CDH8: variants seen among roughly 807,000 people sequenced by gnomAD.
The protein encoded by CDH8 is cadherin-8.
Under a neutral mutation model 68.1 loss-of-function variants are expected in CDH8, and 17 were observed. That is an observed-to-expected ratio of 0.25 (90% CI 0.17 to 0.37). The LOEUF is 0.37. Among genes scored for constraint, CDH8 ranks in the 10% least tolerant of loss-of-function variants. CDH8 has a pLI of 1.00. For synonymous variants in CDH8, 372 were observed against 365.1 expected (o/e 1.02, Z -0.21); for missense variants, 763 against 999.3 (o/e 0.76, Z 3.19).
chr16:61,868,689 T>C (rs1567507543), intron 3 of CDH8, among the ~76,000 whole-genome samples: 1 of 152,166 alleles, frequency 6.6e-6, no homozygotes, highest in East Asian at 1.9e-4. Context: ...TGGGGTCATG[T>C]CAGCACTCAA....
chr16:61,901,127 G>A, intron 3 of CDH8, 52 bp downstream of exon 3: 1 of 1,443,844 alleles, frequency 6.9e-7, no homozygotes, highest in South Asian at 1.2e-5. Context: ...GATGCCAGGA[G>A]CTATTCTAAA....
chr16:61,840,880 T>C (rs1334799914), intron 4 of CDH8, among the ~76,000 whole-genome samples: 6 of 151,850 alleles, frequency 4.0e-5, no homozygotes, highest in Non-Finnish European at 5.9e-5. Flanking sequence ...CATTTACCTA[T>C]GCAACAAACC....
chr16:61,924,737 T>A (rs1489278834), intron 2 of CDH8, among the ~76,000 whole-genome samples: 1 of 152,158 alleles, frequency 6.6e-6, no homozygotes, highest in Non-Finnish European at 1.5e-5. Context: ...GTAGTCATCT[T>A]TAGTTACTGC....
At chr16:61,738,336 C>G (rs1959762588) in intron 8 of CDH8, among the ~76,000 whole-genome samples, 1 of 152,126 alleles carries the variant, frequency 6.6e-6, no homozygotes, top group Admixed American at 6.5e-5. Flanking sequence ...TTCAGTGAAC[C>G]TGGAAATAGT....
intron 10 of CDH8, among the ~76,000 whole-genome samples, chr16:61,668,401 T>C (rs1963722228): frequency 6.6e-6 from 1 of 151,922 alleles, no homozygotes; most frequent in Non-Finnish European, 1.5e-5. Flanking sequence ...GCAGATCCCT[T>C]AATGCTCAGA....
Position 61,960,015 on chromosome 16 carries a change from T to TATATATATATAC in CDH8, c.253-58543_253-58542insGTATATATATAT, listed in dbSNP as rs1198530274. ...ATATATATATATATATATATATATATACACACATACACACACACACACAAC... is the reference window on the plus strand; with the variant it reads ...ATATATATATATATATATATATATATATATATATATACACACACATACACACACACACACAAC... On this transcript the variant is annotated intron_variant, in intron 2 of 11. Coordinates refer to ENST00000577390, the MANE Select transcript of CDH8 (RefSeq NM_001796.5). Among the ~76,000 whole-genome samples the TATATATATATAC allele has an allele frequency of 1.4e-3, 103 of 73,220 alleles. 13 individuals are homozygous for TATATATATATAC. Among genetic ancestry groups the TATATATATATAC allele is most frequent in the East Asian group, 4.5e-3 (9 of 2,006 alleles). 48.0% of individuals were successfully genotyped at this position (73,220 alleles called of 152,430 possible).
intron 1 of CDH8, among the ~76,000 whole-genome samples, chr16:62,030,397 C>T (rs1902297698): frequency 3.3e-5 from 5 of 151,790 alleles, no homozygotes; most frequent in Admixed American, 3.3e-4. Context: ...TTTTTCTGAG[C>T]ATCCCCATGT....
chr16:61,896,546 A>G (rs868833789), intron 3 of CDH8, among the ~76,000 whole-genome samples: 2 of 152,198 alleles, frequency 1.3e-5, no homozygotes, highest in Admixed American at 6.5e-5. Flanking sequence ...AGGCTAAGGA[A>G]GAACAGTGGT....
At chr16:61,893,870 C>G (rs1336151928) in intron 3 of CDH8, among the ~76,000 whole-genome samples, 2 of 152,072 alleles carry the variant, frequency 1.3e-5, no homozygotes, top group Non-Finnish European at 2.9e-5. Flanking sequence ...AGAAAATTTT[C>G]CTTGCAGAAG....
At chr16:61,835,141 A>G (rs913726013) in intron 4 of CDH8, among the ~76,000 whole-genome samples, 4 of 151,886 alleles carry the variant, frequency 2.6e-5, no homozygotes, top group Non-Finnish European at 4.4e-5. Flanking sequence ...TAGGTTTTAT[A>G]TATTAACCTC....
chr16:61,687,571 T>A (rs1276489895), intron 10 of CDH8, among the ~76,000 whole-genome samples: 5 of 152,008 alleles, frequency 3.3e-5, no homozygotes, highest in African/African-American at 4.8e-5. Flanking sequence ...TACTACAAGA[T>A]GATACTAACA....
chr16:61,840,234 A>G (rs115159772), intron 4 of CDH8, among the ~76,000 whole-genome samples: 1,797 of 152,268 alleles, frequency 0.012, 46 homozygotes, highest in African/African-American at 0.042. Context: ...ACTATCAGCA[A>G]GCCACTTTGT....
chr16:61,776,403 C>G (rs923036699), intron 8 of CDH8, among the ~76,000 whole-genome samples: 5 of 151,498 alleles, frequency 3.3e-5, no homozygotes, highest in African/African-American at 1.2e-4. Flanking sequence ...TAACTAATAA[C>G]CTCTATTGTT....
rs1901956420 is a variant in CDH8, at chr16:62,016,960, C to T, written c.252+4192G>A. ...GCCCACTACCTCAAAGAAAGACTTT[C>T]AAAATCAATACATAAAAAAAATTGT... On this transcript the variant is annotated intron_variant, in intron 2 of 11. Coordinates refer to ENST00000577390, the MANE Select transcript of CDH8 (RefSeq NM_001796.5). Among the ~76,000 whole-genome samples the T allele has an allele frequency of 2.0e-5, 3 of 152,120 alleles. No individual in the cohort carries two copies. The South Asian group carries it at 6.2e-4, about 32-fold the overall frequency.
chr16:62,021,269 T>C lies in CDH8; in HGVS notation c.135A>G (p.Glu45=), dbSNP rs1476721518. ...SQVLMSGSPL[E]LNSLGEEQRI... ...GCTGTTCTTCACCCAGACTGTTTAG[T>C]TCCAAAGGGGATCCACTCATTAAAA... Residue 45 remains glutamate (E), a synonymous_variant, in exon 2 of 12, where the codon GAA becomes GAG. Transcript: ENST00000577390. The C allele has an allele frequency of 3.1e-6, 5 of 1,613,864 alleles. No homozygotes were observed. In the Admixed American group the frequency reaches 6.7e-5, roughly 22 times the overall value.
At chr16:61,859,980 G>A (rs949129430) in intron 3 of CDH8, among the ~76,000 whole-genome samples, 1 of 152,112 alleles carries the variant, frequency 6.6e-6, no homozygotes, top group African/African-American at 2.4e-5. Context: ...GAGTAGCTGG[G>A]ATTACAGTGT....
At chr16:61,696,801 C>G (rs2142841644) in intron 10 of CDH8, among the ~76,000 whole-genome samples, 1 of 152,224 alleles carries the variant, frequency 6.6e-6, no homozygotes, top group African/African-American at 2.4e-5. Flanking sequence ...AACGTGGATG[C>G]AGCTGGAGGC....
At chr16:61,768,368 C>CT (rs1960674560) in intron 8 of CDH8, among the ~76,000 whole-genome samples, 71 of 48,890 alleles carry the variant, frequency 1.5e-3, no homozygotes, top group Admixed American at 3.3e-3. Flanking sequence ...CTCTCTCTCT[C>CT]CCTTTCTCTC....
At chr16:61,723,761 T>A in intron 9 of CDH8, among the ~76,000 whole-genome samples, 1 of 150,646 alleles carries the variant, frequency 6.6e-6, no homozygotes, top group East Asian at 2.0e-4. Flanking sequence ...TATTTGGCTT[T>A]CTGATTTTGG....
Sources: gnomAD v4.1 joint callset for allele counts (sites outside exome capture counted in the v4.1 genomes callset) on GRCh38, gnomAD v4.1.1 for gene constraint, MANE v1.5 for transcripts, NCBI Gene and HGNC (gene_info 2026-07-23, HGNC 2026-07-21) for gene names.